The following CDH20 variants were observed in gnomAD, a reference collection of about 807,000 sequenced individuals.
The protein encoded by CDH20 is cadherin-20.
CDH20 carries 29 observed loss-of-function variants against 74.2 expected under a neutral mutation model. That is an observed-to-expected ratio of 0.39 (90% confidence interval 0.29 to 0.53). CDH20 has a LOEUF of 0.53. CDH20 is among the 20% of genes least tolerant of loss of function. The pLI is 0.69. For missense variants in CDH20, 988 were observed against 1,048.3 expected (o/e 0.94, Z 0.79); for synonymous variants, 469 against 405.4 (o/e 1.16, Z -1.88).
intron 6 of CDH20, among the ~76,000 whole-genome samples, chr18:61,509,942 G>T (rs1388615160): frequency 6.6e-6 from 1 of 152,192 alleles, no homozygotes; most frequent in Admixed American, 6.5e-5. Flanking sequence ...GAATGGAATT[G>T]CCATTAACTG....
At chr18:61,494,715 C>T (rs1360345735) in intron 2 of CDH20, among the ~76,000 whole-genome samples, 1 of 152,120 alleles carries the variant, frequency 6.6e-6, no homozygotes, top group Non-Finnish European at 1.5e-5. Flanking sequence ...ACAAAATCCA[C>T]ACTGGGCTTT....
chr18:61,446,140 G>A (rs1166344773), intron 1 of CDH20, among the ~76,000 whole-genome samples: 6 of 152,108 alleles, frequency 3.9e-5, no homozygotes, highest in Admixed American at 3.9e-4. Context: ...TATGACTAAG[G>A]CTAGCCATAC....
chr18:61,464,137 C>T (rs1909878992), intron 1 of CDH20, among the ~76,000 whole-genome samples: 1 of 152,048 alleles, frequency 6.6e-6, no homozygotes, highest in African/African-American at 2.4e-5. Flanking sequence ...GAAGTGTGTG[C>T]ATAATTAAAT....
At chr18:61,526,121 CTTTTTTTTTTTTTTT>C (rs765492185) in intron 6 of CDH20, among the ~76,000 whole-genome samples, 2 of 90,208 alleles carry the variant, frequency 2.2e-5, no homozygotes, top group African/African-American at 9.7e-5. Context: ...AAAAAGTTGA[CTTTTTTTTTTTTTTT>C]TTTTTTTTTG....
chr18:61,428,247 A>C (rs966596098), intron 1 of CDH20, among the ~76,000 whole-genome samples: 1 of 152,136 alleles, frequency 6.6e-6, no homozygotes, highest in Non-Finnish European at 1.5e-5. Flanking sequence ...TGGAATCTGC[A>C]ATCAAGTAAG....
intron 1 of CDH20, among the ~76,000 whole-genome samples, chr18:61,345,772 G>A (rs1053599365): frequency 3.9e-5 from 6 of 152,176 alleles, no homozygotes; most frequent in Admixed American, 2.6e-4. Flanking sequence ...TGAGAAGTAT[G>A]CAGGATAGAG....
rs762733986 is a variant in CDH20, at chr18:61,554,262, T to C, written c.1973T>C (p.Ile658Thr). Residue 658 changes from isoleucine (I) to threonine (T), a missense_variant, in exon 12 of 12, where the codon ATC (isoleucine) becomes ACC (threonine). Around this residue, in one of 2 missense-constraint regions of CDH20, gnomAD observed 375 missense variants for 293.1 expected, o/e 1.28. Coordinates refer to ENST00000262717, the MANE Select transcript of CDH20 (RefSeq NM_031891.4). The part of the protein sequence containing the change: ...QPYIIDDEEN[I>T]HENIVRYDDE... ...TACATCATCGACGACGAGGAAAACA[T>C]CCACGAGAACATCGTCCGCTACGAC... is the stretch of plus-strand genomic sequence containing the variant. 113 of 1,613,774 alleles carry C rather than the reference T, an allele frequency of 7.0e-5. No homozygotes were observed. Among genetic ancestry groups the C allele is most frequent in the Non-Finnish European group, 8.6e-5 (102 of 1,179,980 alleles).
intron 10 of CDH20, among the ~76,000 whole-genome samples, chr18:61,548,856 C>T (rs1405354008): frequency 1.3e-5 from 2 of 152,198 alleles, no homozygotes; most frequent in Admixed American, 6.5e-5. Flanking sequence ...GACATACCCA[C>T]ATTTAAGAGG....
chr18:61,443,134 A>G (rs1022939130), intron 1 of CDH20, among the ~76,000 whole-genome samples: 1 of 152,154 alleles, frequency 6.6e-6, no homozygotes, highest in Non-Finnish European at 1.5e-5. Flanking sequence ...TCACACTCCT[A>G]CTAGGTTTTT....
intron 11 of CDH20, among the ~76,000 whole-genome samples, chr18:61,553,966 A>G (rs1484805133): frequency 1.3e-5 from 2 of 152,174 alleles, no homozygotes; most frequent in Admixed American, 6.5e-5. Flanking sequence ...TAATTAAACC[A>G]TTTGAAGAAA....
chr18:61,455,160 T>C (rs1432383731), intron 1 of CDH20, among the ~76,000 whole-genome samples: 1 of 152,190 alleles, frequency 6.6e-6, no homozygotes, highest in Non-Finnish European at 1.5e-5. Flanking sequence ...TACCCAGTAC[T>C]CTTCAAAAGT....
At chr18:61,366,038 TCATATG>T (rs1472769462) in intron 1 of CDH20, among the ~76,000 whole-genome samples, 26 of 152,340 alleles carry the variant, frequency 1.7e-4, no homozygotes, top group African/African-American at 6.0e-4. Context: ...CTTACAGTTT[TCATATG>T]CATTATCTAA....
chr18:61,459,506 G>A (rs184342331), intron 1 of CDH20, among the ~76,000 whole-genome samples: 45 of 152,218 alleles, frequency 3.0e-4, no homozygotes, highest in African/African-American at 9.6e-4. Context: ...GCCCAGAAAT[G>A]GCCAGGTGTT....
At chr18:61,487,092 A>G (rs623814) in intron 1 of CDH20, among the ~76,000 whole-genome samples, 151,064 of 152,324 alleles carry the variant, frequency 0.99, 74,925 homozygotes, top group Middle Eastern at 1. Flanking sequence ...GGGAGGATGA[A>G]GGGGAAACTT....
chr18:61,497,654 G>T (rs941903906), intron 2 of CDH20, among the ~76,000 whole-genome samples: 1 of 152,176 alleles, frequency 6.6e-6, no homozygotes, highest in Non-Finnish European at 1.5e-5. Context: ...GGTGCCTCAC[G>T]TGCATTAATC....
intron 10 of CDH20, among the ~76,000 whole-genome samples, chr18:61,547,360 T>C (rs73455313): frequency 0.014 from 2,176 of 152,178 alleles, 57 homozygotes; most frequent in African/African-American, 0.05. Flanking sequence ...AACTGACTAA[T>C]ATAGGGCAGA....
intron 1 of CDH20, among the ~76,000 whole-genome samples, chr18:61,418,256 T>C (rs772358678): frequency 6.6e-6 from 1 of 152,150 alleles, no homozygotes; most frequent in African/African-American, 2.4e-5. Flanking sequence ...AAAACATTTC[T>C]AATCCTAAAA....
intron 2 of CDH20, among the ~76,000 whole-genome samples, chr18:61,495,502 T>C (rs1047070525): frequency 6.6e-6 from 1 of 152,202 alleles, no homozygotes; most frequent in Admixed American, 6.5e-5. Context: ...TAGAAGGTAC[T>C]AGAGGGAGCC....
intron 7 of CDH20, among the ~76,000 whole-genome samples, chr18:61,535,044 G>A (rs971130358): frequency 5.9e-5 from 9 of 151,956 alleles, no homozygotes; most frequent in African/African-American, 9.7e-5. Context: ...GGCTGGACAC[G>A]GTGGCTCACA....
Sources: gnomAD v4.1 joint callset for allele counts (sites outside exome capture counted in the v4.1 genomes callset) on GRCh38, gnomAD v4.1.1 for gene constraint, gnomAD v4.1.1 regional missense constraint, MANE v1.5 for transcripts, NCBI Gene and HGNC (gene_info 2026-07-23, HGNC 2026-07-21) for gene names.